KCTD8: variants seen among roughly 807,000 people sequenced by gnomAD.
KCTD8 encodes BTB/POZ domain-containing protein KCTD8.
A neutral mutation model predicts 31.5 loss-of-function variants in KCTD8; 27 were observed. The ratio of observed to expected loss-of-function variants is 0.86; its 90% CI spans 0.63 to 1.18. The LOEUF (loss-of-function observed/expected upper bound fraction) is 1.18, where lower values mean the gene tolerates loss of function less well. Ranked by LOEUF, KCTD8 falls within the 50% of genes most tolerant of loss-of-function variation. The probability of loss-of-function intolerance (pLI) is 0.00; values close to 1 mark genes in which losing one functional copy is unlikely to be tolerated. For synonymous variants in KCTD8, 290 were observed against 280.0 expected, an observed-to-expected ratio of 1.04 and a Z score of -0.36; for missense variants, 658 against 647.7, an observed-to-expected ratio of 1.02 and a Z score of -0.17.
intron 1 of KCTD8, among the ~76,000 whole-genome samples, chr4:44,253,786 G>T (rs1405910445): frequency 6.6e-6 from 1 of 151,826 alleles, no homozygotes; most frequent in Non-Finnish European, 1.5e-5. Flanking sequence ...GGTTCCATGA[G>T]ATAATAAATA....
At chr4:44,210,084 C>G (rs554446036) in intron 1 of KCTD8, among the ~76,000 whole-genome samples, 1 of 152,154 alleles carries the variant, frequency 6.6e-6, no homozygotes, top group East Asian at 1.9e-4. Context: ...TGAGATCTTC[C>G]TGTTTGAATG....
intron 1 of KCTD8, among the ~76,000 whole-genome samples, chr4:44,185,593 A>C (rs1011258401): frequency 6.6e-6 from 1 of 152,140 alleles, no homozygotes; most frequent in African/African-American, 2.4e-5. Flanking sequence ...GTTTCTGGTG[A>C]ATGCCTCGCT....
intron 1 of KCTD8, among the ~76,000 whole-genome samples, chr4:44,357,459 T>C (rs934129075): frequency 6.6e-6 from 1 of 152,168 alleles, no homozygotes; most frequent in Non-Finnish European, 1.5e-5. Context: ...ATTCCTACTA[T>C]GGCTCTAAAA....
chr4:44,295,028 G>T (rs1167839440), intron 1 of KCTD8, among the ~76,000 whole-genome samples: 2 of 152,164 alleles, frequency 1.3e-5, no homozygotes, highest in Admixed American at 6.5e-5. Flanking sequence ...CAGGGTGGCT[G>T]ATGCCTGTAA....
intron 1 of KCTD8, among the ~76,000 whole-genome samples, chr4:44,223,205 T>C (rs1015274543): frequency 2.0e-5 from 3 of 152,162 alleles, no homozygotes; most frequent in African/African-American, 7.2e-5. Flanking sequence ...TCCTTATTCC[T>C]CCAAGTAAGG....
intron 1 of KCTD8, among the ~76,000 whole-genome samples, chr4:44,190,447 G>T (rs771032865): frequency 1.3e-5 from 2 of 152,156 alleles, no homozygotes; most frequent in Non-Finnish European, 2.9e-5. Flanking sequence ...GGCTGTGTTG[G>T]TATGTGTGTC....
intron 1 of KCTD8, among the ~76,000 whole-genome samples, chr4:44,438,386 A>G (rs1445139939): frequency 6.6e-6 from 1 of 152,164 alleles, no homozygotes; most frequent in Non-Finnish European, 1.5e-5. Context: ...ATTTTGCATA[A>G]AACTGTTGAA....
intron 1 of KCTD8, among the ~76,000 whole-genome samples, chr4:44,298,222 C>G (rs1428482280): frequency 1.3e-5 from 2 of 152,094 alleles, no homozygotes; most frequent in African/African-American, 4.8e-5. Flanking sequence ...TTACAGCAAA[C>G]TTCCCAGACA....
intron 1 of KCTD8, among the ~76,000 whole-genome samples, chr4:44,249,620 T>C (rs1470091668): frequency 6.6e-6 from 1 of 151,816 alleles, no homozygotes; most frequent in African/African-American, 2.4e-5. Flanking sequence ...GCAAGGAAGA[T>C]TGGGTTCACA....
intron 1 of KCTD8, among the ~76,000 whole-genome samples, chr4:44,371,279 C>G (rs1192609848): frequency 6.6e-6 from 1 of 152,162 alleles, no homozygotes; most frequent in Non-Finnish European, 1.5e-5. Flanking sequence ...ATGCTAATCT[C>G]TTATATTCTA....
At chr4:44,233,013 T>C (rs1715170247) in intron 1 of KCTD8, among the ~76,000 whole-genome samples, 1 of 152,052 alleles carries the variant, frequency 6.6e-6, no homozygotes, top group Non-Finnish European at 1.5e-5. Context: ...TACAATGAAC[T>C]ATTTGATAAA....
chr4:44,210,109 C>T (rs1714438458), intron 1 of KCTD8, among the ~76,000 whole-genome samples: 1 of 152,144 alleles, frequency 6.6e-6, no homozygotes, highest in Non-Finnish European at 1.5e-5. Context: ...ACATATATTA[C>T]CCTGGGCATT....
Position 44,330,594 on chromosome 4 carries a change from T to G in KCTD8, c.961+116969A>C, listed in dbSNP as rs1011421180. 3.9e-5 allele frequency among the ~76,000 whole-genome samples: 6 copies of G among 151,932 alleles called. No individual in the cohort carries two copies. In the East Asian group the frequency reaches 7.7e-4, roughly 19 times the overall value. On this transcript the variant is annotated intron_variant, in intron 1 of 1. Transcript: ENST00000360029. ...TATGAAGAAAAACTAGCATCTAAAA[T>G]CAAAGAGACCTGGTAATAAATGAGA...
chr4:44,270,210 C>T (rs1271544376), intron 1 of KCTD8, among the ~76,000 whole-genome samples: 1 of 151,830 alleles, frequency 6.6e-6, no homozygotes, highest in Non-Finnish European at 1.5e-5. Context: ...GCTATGCAAC[C>T]ATAAAAAATG....
intron 1 of KCTD8, among the ~76,000 whole-genome samples, chr4:44,421,019 C>T (rs1042564340): frequency 5.5e-4 from 83 of 151,682 alleles, no homozygotes; most frequent in African/African-American, 2.0e-3. Context: ...AGGTAAGGGA[C>T]TTTCAGAATC....
In KCTD8 at chr4:44,447,771, C is replaced by A. The variant is rs1233336208; in HGVS notation, c.753G>T (p.Thr251=). Residue 251 remains threonine, a synonymous_variant, in exon 1 of 2, where the codon ACG becomes ACT. Transcript: ENST00000360029. ...GGTCGGGGTCGCGGCTCTCGTTGAGCGTGTCCCCGAAGACCTCCTTGGCCA... is the reference window on the plus strand; with the variant it reads ...GGTCGGGGTCGCGGCTCTCGTTGAGAGTGTCCCCGAAGACCTCCTTGGCCA... ...IALAKEVFGD[T]LNESRDPDRQ... 8 of 1,610,928 alleles carry A rather than the reference C, an allele frequency of 5.0e-6. No individual in the cohort carries two copies. Among genetic ancestry groups the A allele is most frequent in the Non-Finnish European group, 6.8e-6 (8 of 1,178,642 alleles).
At chr4:44,182,488 C>T (rs1459205846) in intron 1 of KCTD8, among the ~76,000 whole-genome samples, 1 of 152,142 alleles carries the variant, frequency 6.6e-6, no homozygotes, top group Non-Finnish European at 1.5e-5. Flanking sequence ...ATGACCTTAC[C>T]CCCAACCATG....
At chr4:44,375,839 A>T (rs897044547) in intron 1 of KCTD8, among the ~76,000 whole-genome samples, 1 of 152,162 alleles carries the variant, frequency 6.6e-6, no homozygotes, top group African/African-American at 2.4e-5. Context: ...TTAAGGGATT[A>T]TACCAAATCC....
In KCTD8 at chr4:44,344,973, C is replaced by CT. The variant is rs1231756432; in HGVS notation, c.961+102589dup. Among the ~76,000 whole-genome samples, 5 of 152,182 alleles carry CT rather than the reference C, an allele frequency of 3.3e-5. No homozygotes were observed. The East Asian group carries it at 7.7e-4, about 24-fold the overall frequency. On this transcript the variant is annotated intron_variant, in intron 1 of 1. Transcript: ENST00000360029. Reference sequence around the variant, plus strand: ...AAACTTTAGCTCTCATTTTTCTCTTCTTTTTTGTTTCTTTGTTCTTTCATC... The same window carrying CT: ...AAACTTTAGCTCTCATTTTTCTCTTCTTTTTTTGTTTCTTTGTTCTTTCATC...
Sources: gnomAD v4.1 joint callset for allele counts (sites outside exome capture counted in the v4.1 genomes callset) on GRCh38, gnomAD v4.1.1 for gene constraint, MANE v1.5 for transcripts, NCBI Gene and HGNC (gene_info 2026-07-23, HGNC 2026-07-21) for gene names.